ADARB2: variants seen among roughly 807,000 people sequenced by gnomAD.
ADARB2 encodes the protein inactive double-stranded RNA-specific editase B2.
Under a neutral mutation model 62.2 loss-of-function variants are expected in ADARB2, and 25 were observed. The ratio of observed to expected loss-of-function variants is 0.40; its 90% confidence interval spans 0.29 to 0.56. The LOEUF (loss-of-function observed/expected upper bound fraction) is 0.56. ADARB2 is among the 20% of genes least tolerant of loss of function. ADARB2 has a pLI of 0.43. For synonymous variants in ADARB2, 572 were observed against 500.8 expected, an observed-to-expected ratio of 1.14 and a Z score of -1.90; for missense variants, 1,071 against 1,077.4, an observed-to-expected ratio of 0.99 and a Z score of 0.08.
chr10:1,695,687 T>C (rs1384189173), intron 1 of ADARB2, among the ~76,000 whole-genome samples: 3 of 151,722 alleles, frequency 2.0e-5, no homozygotes, highest in Non-Finnish European at 4.4e-5. Flanking sequence ...GCAAGAAACA[T>C]GAATGTGTGT....
At chr10:1,435,285 C>A (rs1315156033) in intron 1 of ADARB2, among the ~76,000 whole-genome samples, 1 of 152,236 alleles carries the variant, frequency 6.6e-6, no homozygotes, top group African/African-American at 2.4e-5. Flanking sequence ...TGCTTCCAAG[C>A]CGATGCTTTT....
chr10:1,406,397 G>A (rs1020040786), intron 1 of ADARB2, among the ~76,000 whole-genome samples: 1 of 152,208 alleles, frequency 6.6e-6, no homozygotes, highest in African/African-American at 2.4e-5. Flanking sequence ...TCGGTACCCG[G>A]GAAGGAGAGA....
chr10:1,720,790 T>C (rs1336937078), intron 1 of ADARB2, among the ~76,000 whole-genome samples: 1 of 152,044 alleles, frequency 6.6e-6, no homozygotes, highest in Non-Finnish European at 1.5e-5. Flanking sequence ...CAAGGCAAAT[T>C]TGGGGGCAGC....
chr10:1,504,556 G>A (rs573221424), intron 1 of ADARB2, among the ~76,000 whole-genome samples: 72 of 152,282 alleles, frequency 4.7e-4, no homozygotes, highest in African/African-American at 1.6e-3. Flanking sequence ...CCCCACGTGC[G>A]TGGGCCTGGA....
chr10:1,384,833 C>A (rs1832512372), intron 1 of ADARB2, among the ~76,000 whole-genome samples: 2 of 152,110 alleles, frequency 1.3e-5, no homozygotes, highest in Admixed American at 6.5e-5. Flanking sequence ...TGAGACTCAG[C>A]CCCACATGAG....
chr10:1,455,094 C>T (rs958851152), intron 1 of ADARB2, among the ~76,000 whole-genome samples: 23 of 152,268 alleles, frequency 1.5e-4, no homozygotes, highest in African/African-American at 5.5e-4. Context: ...CACTGAACAA[C>T]GTGATTTTCC....
chr10:1,315,418 C>T (rs756797870), intron 3 of ADARB2, among the ~76,000 whole-genome samples: 13 of 152,250 alleles, frequency 8.5e-5, no homozygotes, highest in Non-Finnish European at 1.8e-4. Context: ...GCTGATGTTT[C>T]CAAGCCTCCC....
intron 1 of ADARB2, among the ~76,000 whole-genome samples, chr10:1,451,825 C>T (rs1330754809): frequency 6.6e-6 from 1 of 150,528 alleles, no homozygotes; most frequent in Non-Finnish European, 1.5e-5. Context: ...CCACCATGTG[C>T]CAGGGCCCCA....
intron 2 of ADARB2, among the ~76,000 whole-genome samples, chr10:1,365,832 C>T (rs1832309377): frequency 6.6e-6 from 1 of 152,126 alleles, no homozygotes; most frequent in African/African-American, 2.4e-5. Context: ...CATGCTTTCA[C>T]AAAACTGAAA....
intron 1 of ADARB2, among the ~76,000 whole-genome samples, chr10:1,451,612 G>T (rs1831039808): frequency 6.6e-6 from 1 of 151,868 alleles, no homozygotes; most frequent in African/African-American, 2.4e-5. Flanking sequence ...GTATAAGGAG[G>T]GGACACACCT....
At chr10:1,679,918 C>G (rs1834513799) in intron 1 of ADARB2, among the ~76,000 whole-genome samples, 2 of 152,154 alleles carry the variant, frequency 1.3e-5, no homozygotes, top group South Asian at 4.1e-4. Context: ...ACTTTCTCCC[C>G]CTTAGAAATG....
intron 1 of ADARB2, among the ~76,000 whole-genome samples, chr10:1,650,904 G>T (rs531623423): frequency 1.7e-4 from 26 of 152,300 alleles, no homozygotes; most frequent in Non-Finnish European, 3.2e-4. Flanking sequence ...TGGTGGAGCA[G>T]CTTTTCCCGG....
chr10:1,291,419 C>A (rs1050067026), intron 3 of ADARB2: 1 of 152,368 alleles, frequency 6.6e-6, no homozygotes, highest in East Asian at 1.9e-4. Flanking sequence ...TGCAGGCTCC[C>A]AGAGGAGCGG....
At chr10:1,630,619 C>A (rs1156341688) in intron 1 of ADARB2, among the ~76,000 whole-genome samples, 2 of 152,130 alleles carry the variant, frequency 1.3e-5, no homozygotes, top group African/African-American at 4.8e-5. Context: ...AATGGCGACT[C>A]TATGAATGCC....
At chr10:1,457,434 G>A (rs1831108527) in intron 1 of ADARB2, among the ~76,000 whole-genome samples, 1 of 152,156 alleles carries the variant, frequency 6.6e-6, no homozygotes, top group Non-Finnish European at 1.5e-5. Flanking sequence ...GCTTCTCCCA[G>A]CTGTGGGTGG....
chr10:1,654,686 G>A (rs1247178539), intron 1 of ADARB2, among the ~76,000 whole-genome samples: 2 of 152,234 alleles, frequency 1.3e-5, no homozygotes, highest in African/African-American at 4.8e-5. Context: ...GACCGATCCC[G>A]AAGTGCAGTC....
chr10:1,350,173 A>G (rs1012927298), intron 3 of ADARB2, among the ~76,000 whole-genome samples: 1 of 152,134 alleles, frequency 6.6e-6, no homozygotes, highest in Non-Finnish European at 1.5e-5. Flanking sequence ...TCCATCCTAC[A>G]AGATCTAAAT....
At chr10:1,253,556 AC>A (rs1831054033) in intron 4 of ADARB2, among the ~76,000 whole-genome samples, 1 of 152,214 alleles carries the variant, frequency 6.6e-6, no homozygotes, top group Admixed American at 6.5e-5. Context: ...TTAAACACCT[AC>A]CTTATTCAAG....
chr10:1,651,607 C>G (rs1834111731), intron 1 of ADARB2, among the ~76,000 whole-genome samples: 2 of 152,284 alleles, frequency 1.3e-5, no homozygotes, highest in African/African-American at 2.4e-5. Context: ...TTCCCACATA[C>G]AGAAATTTCA....
Sources: gnomAD v4.1 joint callset for allele counts (sites outside exome capture counted in the v4.1 genomes callset) on GRCh38, gnomAD v4.1.1 for gene constraint, MANE v1.5 for transcripts, NCBI Gene and HGNC (gene_info 2026-07-23, HGNC 2026-07-21) for gene names.